GRAMD1B: variants seen among roughly 807,000 people sequenced by gnomAD.
The protein encoded by GRAMD1B is GRAM domain containing 1B, also known as protein Aster-B.
In GRAMD1B, 37 loss-of-function variants were observed where a neutral mutation model predicts 99.7. The ratio of observed to expected loss-of-function variants is 0.37; its 90% confidence interval spans 0.29 to 0.49. GRAMD1B has a LOEUF of 0.49. Ranked by LOEUF, GRAMD1B falls within the 20% of genes least tolerant of loss-of-function variation. The pLI is 0.98. For missense variants in GRAMD1B, 888 were observed against 1,009.2 expected, an observed-to-expected ratio of 0.88 and a Z score of 1.63; for synonymous variants, 427 against 387.6, an observed-to-expected ratio of 1.10 and a Z score of -1.19.
intron 1 of GRAMD1B, among the ~76,000 whole-genome samples, chr11:123,403,448 GATAATA>G (rs371716819): frequency 0.16 from 22,829 of 138,912 alleles, 1,938 homozygotes; most frequent in African/African-American, 0.2. Context: ...TGATGATGAT[GATAATA>G]ATAATAATAA....
chr11:123,524,160 A>T (rs1302862334), intron 2 of GRAMD1B, among the ~76,000 whole-genome samples: 1 of 152,084 alleles, frequency 6.6e-6, no homozygotes, highest in Non-Finnish European at 1.5e-5. Flanking sequence ...AGTACCCTAC[A>T]ATCCCCAAGC....
intron 2 of GRAMD1B, among the ~76,000 whole-genome samples, chr11:123,542,505 G>A (rs1489206784): frequency 4.6e-5 from 7 of 152,206 alleles, no homozygotes; most frequent in Middle Eastern, 3.2e-3. Context: ...GAGAGTTTGT[G>A]CTCTGGGAGA....
intron 2 of GRAMD1B, among the ~76,000 whole-genome samples, chr11:123,487,821 G>T (rs920636403): frequency 4.6e-5 from 7 of 152,094 alleles, no homozygotes; most frequent in Non-Finnish European, 1.0e-4. Context: ...TGGCCAGGCT[G>T]GTCTCAACCT....
intron 2 of GRAMD1B, among the ~76,000 whole-genome samples, chr11:123,522,406 C>T (rs950690927): frequency 6.6e-6 from 1 of 152,162 alleles, no homozygotes; most frequent in Non-Finnish European, 1.5e-5. Context: ...GCAACTTCCA[C>T]CTCCCAGGTT....
chr11:123,467,370 C>T (rs1019025882), intron 1 of GRAMD1B, among the ~76,000 whole-genome samples: 5 of 145,536 alleles, frequency 3.4e-5, no homozygotes, highest in East Asian at 2.0e-4. Flanking sequence ...CAAACAAAAA[C>T]GTTGTAGCCT....
In GRAMD1B at chr11:123,591,517, G is replaced by T. The variant is rs1386786543; in HGVS notation, c.685-2565G>T. On this transcript the variant is annotated intron_variant, in intron 4 of 19. Transcript: ENST00000635736. The surrounding 1 kb of genome is among the most constrained non-coding windows in gnomAD (Gnocchi z 4.7). ...CTGCTGCCGCTGAACACCGTTGCTG[G>T]CACGGATCTGAGGAAATCCCAGCCG... 1 of 398,990 alleles carries T rather than the reference G, an allele frequency of 2.5e-6. No individual in the cohort carries two copies. Among genetic ancestry groups the T allele is most frequent in the Non-Finnish European group, 4.4e-6 (1 of 226,066 alleles). The allele number at this position is 398,990 out of a possible 1,614,324, so 24.7% of individuals were successfully genotyped here.
chr11:123,619,151 A>G lies in GRAMD1B; in HGVS notation c.2471A>G (p.Gln824Arg). The change falls in exon 19 of 20, where the codon CAA becomes CGA. Residue 824 changes from glutamine (Q) to arginine (R), a missense_variant. By Grantham distance (43) the Gln-to-Arg change is conservative. Coordinates refer to ENST00000635736, the MANE Select transcript of GRAMD1B (RefSeq NM_001387025.1). Reference protein sequence around the residue: ...QTEWAQLLESQQKYHDTELQK... With the variant: ...QTEWAQLLESRQKYHDTELQK... The stretch of plus-strand genomic sequence containing the variant: ...GAATGGGCCCAGCTCTTAGAGTCCC[A>G]ACAAAAGTACCACGATACTGAGCTC... 1.3e-6 allele frequency: 2 copies of G among 1,570,964 alleles called. No individual in the cohort carries two copies. The highest frequency in any genetic ancestry group is 1.7e-6 in the Non-Finnish European group (2 of 1,157,904).
intron 1 of GRAMD1B, among the ~76,000 whole-genome samples, chr11:123,452,287 G>C (rs1565510085): frequency 6.6e-6 from 1 of 152,240 alleles, no homozygotes; most frequent in Non-Finnish European, 1.5e-5. Context: ...GAGGACAGCA[G>C]TAACTGTTAC....
At chr11:123,407,061 TTGAGAGAA>T (rs1947879432) in intron 1 of GRAMD1B, among the ~76,000 whole-genome samples, 1 of 152,224 alleles carries the variant, frequency 6.6e-6, no homozygotes, top group African/African-American at 2.4e-5. Context: ...TTCTGTAGGC[TTGAGAGAA>T]TGGTTATTGT....
chr11:123,617,900 CCT>C (rs1450795654), intron 17 of GRAMD1B, among the ~76,000 whole-genome samples: 1 of 152,100 alleles, frequency 6.6e-6, no homozygotes, highest in African/African-American at 2.4e-5. Context: ...CCTTGCCTCC[CCT>C]GTCTCTCACC....
At chr11:123,459,556 T>G (rs1395939340) in intron 1 of GRAMD1B, 1 of 152,140 alleles carries the variant, frequency 6.6e-6, no homozygotes, top group African/African-American at 2.4e-5. Flanking sequence ...TGGTCGGCCA[T>G]ATTCATGATT....
chr11:123,589,611 T>TA, intron 4 of GRAMD1B, among the ~76,000 whole-genome samples: 1 of 138,044 alleles, frequency 7.2e-6, no homozygotes, highest in South Asian at 2.3e-4. Flanking sequence ...GTGTGGCTAA[T>TA]TTTTATATAT....
In GRAMD1B at chr11:123,442,804, TC is replaced by T. The variant is rs1445329925; in HGVS notation, c.374+11639del. Among the ~76,000 whole-genome samples the T allele has an allele frequency of 4.6e-5, 7 of 152,212 alleles. No individual in the cohort carries two copies. The East Asian group carries it at 1.2e-3, about 25-fold the overall frequency. Reference sequence around the variant, plus strand: ...AGTAAAGGAATAAAATAATGGCTACTCTTTTTCTGGTTATTTCTTGAGCATA... The same window carrying T: ...AGTAAAGGAATAAAATAATGGCTACTTTTTTCTGGTTATTTCTTGAGCATA... On this transcript the variant is annotated intron_variant, in intron 1 of 19. Coordinates refer to ENST00000635736, the MANE Select transcript of GRAMD1B (RefSeq NM_001387025.1).
At chr11:123,601,523 G>C (rs1427402395) in intron 8 of GRAMD1B, among the ~76,000 whole-genome samples, 1 of 151,070 alleles carries the variant, frequency 6.6e-6, no homozygotes, top group East Asian at 1.9e-4. Context: ...TTATGTGTGT[G>C]TGTGTGTGTG....
At chr11:123,615,009 G>A (rs193016370) in intron 17 of GRAMD1B, among the ~76,000 whole-genome samples, 174 bp downstream of exon 17, 52 of 152,234 alleles carry the variant, frequency 3.4e-4, no homozygotes, top group Admixed American at 2.6e-3. Flanking sequence ...TTACCTCTTC[G>A]CTTCTTTTTC....
chr11:123,414,110 T>A (rs924426005), intron 1 of GRAMD1B, among the ~76,000 whole-genome samples: 2 of 151,546 alleles, frequency 1.3e-5, no homozygotes, highest in Non-Finnish European at 1.5e-5. Context: ...AGTGGCAGGA[T>A]CTTGGCTCAC....
intron 4 of GRAMD1B, among the ~76,000 whole-genome samples, chr11:123,590,526 C>T (rs1176476284): frequency 6.6e-6 from 1 of 152,216 alleles, no homozygotes; most frequent in African/African-American, 2.4e-5. Context: ...TTGGCCGGGA[C>T]CATCACCCAG....
chr11:123,491,578 G>T (rs1370735614), intron 2 of GRAMD1B: 1 of 277,734 alleles, frequency 3.6e-6, no homozygotes, highest in Non-Finnish European at 6.7e-6. Context: ...TCTGCCAGAT[G>T]TTGAAAGATG....
At chr11:123,621,237 T>A (rs1955084000) in intron 19 of GRAMD1B, among the ~76,000 whole-genome samples, 1 of 152,188 alleles carries the variant, frequency 6.6e-6, no homozygotes, top group Non-Finnish European at 1.5e-5. Flanking sequence ...CCCAGAAATG[T>A]TGTCTTATGT....
Sources: allele counts gnomAD v4.1 joint callset (sites outside exome capture counted in the v4.1 genomes callset), GRCh38; gene constraint gnomAD v4.1.1; non-coding constraint Gnocchi (gnomAD v3.1); transcripts MANE v1.5; gene names NCBI Gene and HGNC (gene_info 2026-07-23, HGNC 2026-07-21).